The following L3MBTL4 variants were observed in gnomAD, a reference collection of about 807,000 sequenced individuals.
The protein encoded by L3MBTL4 is L3MBTL histone methyl-lysine binding protein 4, also known as lethal(3)malignant brain tumor-like protein 4.
Under a neutral mutation model 84.5 loss-of-function variants are expected in L3MBTL4, and 70 were observed. That is an observed-to-expected ratio of 0.83 (90% CI 0.68 to 1.01). The LOEUF (loss-of-function observed/expected upper bound fraction) is 1.01, where lower values mean the gene tolerates loss of function less well. Ranked by LOEUF, L3MBTL4 falls within the 50% of genes least tolerant of loss-of-function variation. L3MBTL4 has a pLI of 0.00. For synonymous variants in L3MBTL4, 274 were observed against 259.8 expected (o/e 1.05, Z -0.52); for missense variants, 715 against 754.8 (o/e 0.95, Z 0.62).
intron 1 of L3MBTL4, among the ~76,000 whole-genome samples, chr18:6,366,656 T>C (rs1479762973): frequency 6.6e-6 from 1 of 152,192 alleles, no homozygotes; most frequent in African/African-American, 2.4e-5. Flanking sequence ...TAAATAGGTG[T>C]CTAATTTCAC....
chr18:6,019,751 G>C (rs190880375), intron 16 of L3MBTL4, among the ~76,000 whole-genome samples: 1 of 152,314 alleles, frequency 6.6e-6, no homozygotes, highest in East Asian at 1.9e-4. Flanking sequence ...TAAGTCCAAA[G>C]ATGGATCTTA....
chr18:5,983,930 G>T (rs944809637), intron 16 of L3MBTL4, among the ~76,000 whole-genome samples: 4 of 151,896 alleles, frequency 2.6e-5, no homozygotes, highest in Non-Finnish European at 2.9e-5. Context: ...TATTTTTTTT[G>T]AGATGGAGTC....
At chr18:6,199,632 A>G (rs1185753845) in intron 12 of L3MBTL4, among the ~76,000 whole-genome samples, 1 of 152,234 alleles carries the variant, frequency 6.6e-6, no homozygotes. Flanking sequence ...GGCAGGATCC[A>G]GGGCAGGAAG....
At chr18:6,043,508 C>T (rs1272144938) in intron 16 of L3MBTL4, among the ~76,000 whole-genome samples, 5 of 152,168 alleles carry the variant, frequency 3.3e-5, no homozygotes, top group African/African-American at 9.7e-5. Flanking sequence ...TCACTTCCTC[C>T]AGCAATTTCA....
At position 6,168,165 on chromosome 18, in the gene L3MBTL4, T is replaced by G. The variant is rs371836539; in HGVS notation, c.1096+3663A>C. 1.2e-3 allele frequency among the ~76,000 whole-genome samples: 182 copies of G among 151,644 alleles called. No homozygotes were observed. The East Asian group carries it at 0.025, about 21-fold the overall frequency. On this transcript the variant is annotated intron_variant, in intron 13 of 18. Coordinates refer to ENST00000317931, the MANE Select transcript of L3MBTL4 (RefSeq NM_001330559.2). Reference sequence around the variant, plus strand: ...AGGAGAACTACAAACCACTGCTCAATGAAATAAAAGAGGATACAAACAAAT... The same window carrying G: ...AGGAGAACTACAAACCACTGCTCAAGGAAATAAAAGAGGATACAAACAAAT...
At chr18:6,027,129 A>G (rs550860482) in intron 16 of L3MBTL4, among the ~76,000 whole-genome samples, 1 of 152,178 alleles carries the variant, frequency 6.6e-6, no homozygotes, top group African/African-American at 2.4e-5. Context: ...TCAATTCATT[A>G]TCTAGGTTTT....
intron 14 of L3MBTL4, among the ~76,000 whole-genome samples, chr18:6,097,611 T>C (rs1443789852): frequency 2.0e-5 from 3 of 152,088 alleles, no homozygotes; most frequent in African/African-American, 7.2e-5. Context: ...TCACAGGTAA[T>C]CCATTAAGCT....
chr18:6,283,331 T>C (rs2049406650), intron 4 of L3MBTL4, among the ~76,000 whole-genome samples: 1 of 152,210 alleles, frequency 6.6e-6, no homozygotes, highest in Non-Finnish European at 1.5e-5. Flanking sequence ...CAAAGAGGCT[T>C]CAGGAAAGGC....
intron 10 of L3MBTL4, among the ~76,000 whole-genome samples, chr18:6,233,771 C>T (rs1322387418): frequency 6.6e-6 from 1 of 152,124 alleles, no homozygotes. Context: ...AATGCCATCC[C>T]CATCAAGCTA....
chr18:6,404,255 TAA>T (rs1433769268), intron 1 of L3MBTL4, among the ~76,000 whole-genome samples: 5 of 152,196 alleles, frequency 3.3e-5, no homozygotes, highest in Admixed American at 6.5e-5. Flanking sequence ...AAATAATTTT[TAA>T]AAGAGTCTGA....
chr18:6,369,350 G>T lies in L3MBTL4; in HGVS notation c.-91+45451C>A, dbSNP rs114140404. Among the ~76,000 whole-genome samples, 245 of 152,334 alleles carry T rather than the reference G, an allele frequency of 1.6e-3. 1 individual carries two copies. Among genetic ancestry groups the T allele is most frequent in the African/African-American group, 5.7e-3 (237 of 41,566 alleles). On this transcript the variant is annotated intron_variant, in intron 1 of 18. Coordinates refer to ENST00000317931, the MANE Select transcript of L3MBTL4 (RefSeq NM_001330559.2). Reference sequence around the variant, plus strand: ...GAATGTGTCCTCCAGGGGACGGGCAGGGAGGGATGCTGGGGGCATGTGGTG... The same window carrying T: ...GAATGTGTCCTCCAGGGGACGGGCATGGAGGGATGCTGGGGGCATGTGGTG...
intron 1 of L3MBTL4, among the ~76,000 whole-genome samples, chr18:6,312,915 A>G (rs926729794): frequency 7.9e-5 from 12 of 151,802 alleles, no homozygotes; most frequent in Admixed American, 6.6e-4. Context: ...TGGTCCCTCA[A>G]CCTCTGAACA....
chr18:6,001,574 CA>C (rs1474735657), intron 16 of L3MBTL4, among the ~76,000 whole-genome samples: 5 of 151,608 alleles, frequency 3.3e-5, no homozygotes, highest in South Asian at 2.1e-4. Context: ...GTTTCAACAA[CA>C]AAAAAATACG....
At chr18:6,238,647 C>T (rs1278313998) in intron 9 of L3MBTL4, among the ~76,000 whole-genome samples, 2 of 152,172 alleles carry the variant, frequency 1.3e-5, no homozygotes, top group Admixed American at 6.5e-5. Context: ...TTCTTGCTGG[C>T]AGCAAGAGAA....
intron 16 of L3MBTL4, among the ~76,000 whole-genome samples, chr18:6,010,783 C>G (rs2054697200): frequency 6.6e-6 from 1 of 152,050 alleles, no homozygotes; most frequent in African/African-American, 2.4e-5. Flanking sequence ...TCTTTCCTCA[C>G]AAAATAAAAC....
rs767293071 is a variant in L3MBTL4, at chr18:6,243,448, A to G, written c.325-19T>C. 1.3e-6 allele frequency: 2 copies of G among 1,569,108 alleles called. No individual in the cohort carries two copies. Among genetic ancestry groups the G allele is most frequent in the East Asian group, 4.6e-5 (2 of 43,420 alleles). On this transcript the variant is annotated intron_variant, in intron 6 of 18. Coordinates refer to ENST00000317931, the MANE Select transcript of L3MBTL4 (RefSeq NM_001330559.2). ...CACAAACCTGCAAGATAGAAAGTTTACAATCATTCGTTAAGTGTCATATAT... is the reference window on the plus strand; with the variant it reads ...CACAAACCTGCAAGATAGAAAGTTTGCAATCATTCGTTAAGTGTCATATAT...
intron 16 of L3MBTL4, among the ~76,000 whole-genome samples, chr18:6,071,757 G>GA (rs1278750725): frequency 1.9e-5 from 1 of 52,762 alleles, no homozygotes; most frequent in African/African-American, 5.6e-5. Flanking sequence ...AAGAAAGAAA[G>GA]AAAAAAAGAA....
intron 14 of L3MBTL4, among the ~76,000 whole-genome samples, chr18:6,095,851 G>A (rs990129573): frequency 2.6e-5 from 4 of 152,266 alleles, no homozygotes; most frequent in South Asian, 2.1e-4. Context: ...GAGCAAGAGC[G>A]ATCTGGTTAA....
At chr18:5,961,292 C>A (rs185050456) in intron 17 of L3MBTL4, among the ~76,000 whole-genome samples, 127 of 152,274 alleles carry the variant, frequency 8.3e-4, no homozygotes, top group Admixed American at 1.5e-3. Flanking sequence ...GCAGACGCTG[C>A]CCCTGACGGT....
Sources: gnomAD v4.1 joint callset for allele counts (sites outside exome capture counted in the v4.1 genomes callset) on GRCh38, gnomAD v4.1.1 for gene constraint, MANE v1.5 for transcripts, NCBI Gene and HGNC (gene_info 2026-07-23, HGNC 2026-07-21) for gene names.